Variants in PSTK observed in about 807,000 individuals in gnomAD.
PSTK encodes the protein L-seryl-tRNA(Sec) kinase.
PSTK carries 26 observed loss-of-function variants against 38.6 expected under a neutral mutation model. The observed-to-expected ratio is 0.67, with a 90% confidence interval of 0.49 to 0.94. PSTK has a LOEUF of 0.94. PSTK is among the 40% of genes least tolerant of loss of function. PSTK has a pLI of 0.00. For synonymous variants in PSTK, 181 were observed against 161.7 expected, an observed-to-expected ratio of 1.12 and a Z score of -0.91; for missense variants, 445 against 436.3, an observed-to-expected ratio of 1.02 and a Z score of -0.18.
Position 122,983,391 on chromosome 10 carries a change from G to A in PSTK, c.628G>A (p.Glu210Lys), listed in dbSNP as rs199793118. 23 of 1,614,042 alleles carry A rather than the reference G, an allele frequency of 1.4e-5. No homozygotes were observed. Among genetic ancestry groups the A allele is most frequent in the Non-Finnish European group, 1.9e-5 (23 of 1,180,048 alleles). ...CATCCACCTGATGGGAAGAAAGCTAGAAAAGCCCAACCCTGAGAAAAATGC... is the reference window on the plus strand; with the variant it reads ...CATCCACCTGATGGGAAGAAAGCTAAAAAAGCCCAACCCTGAGAAAAATGC... ...ETIHLMGRKL[E>K]KPNPEKNAWE... The change falls in exon 3 of 6, where the codon GAA becomes AAA. Residue 210 changes from glutamate to lysine, a missense_variant. By Grantham distance (56) the Glu-to-Lys change is moderately conservative. Coordinates refer to ENST00000406217, the MANE Select transcript of PSTK (RefSeq NM_001363531.2).
chr10:122,987,206 C>A, intron 5 of PSTK: 1 of 1,310,188 alleles, frequency 7.6e-7, no homozygotes, highest in Non-Finnish European at 1.0e-6. Context: ...GCTGGGGAAT[C>A]GGCAGGGAGC....
Position 122,980,614 on chromosome 10 carries a change from G to A in PSTK, c.135G>A (p.Glu45=), listed in dbSNP as rs761175688. The part of the protein sequence containing the change: ...ARALAHRLQQ[E]QGWAIGVVAY... ...CCCTCGCCCACCGGCTGCAGCAGGA[G>A]CAGGGTTGGGCCATCGGTGTTGTCG... Residue 45 remains glutamate (E), a synonymous_variant, in exon 1 of 6, where the codon GAG becomes GAA. Coordinates refer to ENST00000406217, the MANE Select transcript of PSTK (RefSeq NM_001363531.2). This position sits in a 1 kb window ranked among gnomAD's most constrained non-coding sequence, Gnocchi z 4.3. 4 of 1,612,078 alleles carry A rather than the reference G, an allele frequency of 2.5e-6. No individual in the cohort carries two copies. The highest frequency in any genetic ancestry group is 1.3e-5 in the African/African-American group (1 of 74,906).
At chr10:122,982,450 G>A in intron 1 of PSTK, 1 of 405,188 alleles carries the variant, frequency 2.5e-6, no homozygotes, top group Admixed American at 4.0e-5. Context: ...CTGCTAGAGT[G>A]GAGATATATG....
chr10:122,983,018 C>G lies in PSTK; in HGVS notation c.502C>G (p.Arg168Gly), dbSNP rs756397701. The G allele has an allele frequency of 3.7e-6, 6 of 1,602,958 alleles. No homozygotes were observed. Among genetic ancestry groups the G allele is most frequent in the Non-Finnish European group, 5.1e-6 (6 of 1,175,188 alleles). The change falls in exon 2 of 6, where the codon CGG (arginine) becomes GGG (glycine). Residue 168 changes from arginine to glycine, a missense_variant. Arg to Gly is a moderately radical substitution (Grantham distance 125). Coordinates refer to ENST00000406217, the MANE Select transcript of PSTK (RefSeq NM_001363531.2). ...SMRYEVYQLA[R>G]KYSLGFCQLF... ...GAGATATGAAGTCTACCAGCTGGCT[C>G]GGAAATGTAATTAAAACTTTTTTTT...
intron 5 of PSTK, 59 bp from the exon 6 acceptor site, chr10:122,990,115 T>TA (rs1849110530): frequency 8.8e-7 from 1 of 1,141,340 alleles, no homozygotes; most frequent in East Asian, 2.7e-5. Flanking sequence ...CTAATGTCAT[T>TA]AGACACCCCG....
At chr10:122,987,224 T>C in intron 5 of PSTK, 1 of 1,411,408 alleles carries the variant, frequency 7.1e-7, no homozygotes, top group Non-Finnish European at 9.6e-7. Context: ...AGCAGAACAT[T>C]CTAATGAGGA....
chr10:122,980,951 C>A lies in PSTK; in HGVS notation c.216+256C>A, dbSNP rs925832394. ...TAGATGCTTATCTGTATATTTGATG[C>A]ATGTATATGTTGTATATTCTATACA... On this transcript the variant is annotated intron_variant, in intron 1 of 5. Coordinates refer to ENST00000406217, the MANE Select transcript of PSTK (RefSeq NM_001363531.2). The surrounding 1 kb of genome is among the most constrained non-coding windows in gnomAD (Gnocchi z 4.3). 1 of 348,744 alleles carries A rather than the reference C, an allele frequency of 2.9e-6. No homozygotes were observed. The highest frequency in any genetic ancestry group is 1.2e-4 in the South Asian group (1 of 8,404). 21.6% of individuals were successfully genotyped at this position (348,744 alleles called of 1,614,324 possible).
In PSTK at chr10:122,990,345, T is replaced by C; in HGVS notation, c.1049T>C (p.Val350Ala). The stretch of plus-strand genomic sequence containing the variant: ...TTTCATTATGAGAAAGATAATATTG[T>C]ACAGAAGTATTTTTCAAAGCAGCAT... ...SFFHYEKDNI[V>A]QKYFSKQH is the part of the protein sequence containing the mutation. Residue 350 changes from valine to alanine, a missense_variant, in exon 6 of 6, where the codon GTA (valine) becomes GCA (alanine). Physicochemically the swap from Val to Ala is moderately conservative, Grantham distance 64. Coordinates refer to ENST00000406217, the MANE Select transcript of PSTK (RefSeq NM_001363531.2). 6.8e-7 allele frequency: 1 copy of C among 1,467,594 alleles called. No individual in the cohort carries two copies. 90.9% of individuals were successfully genotyped at this position (1,467,594 alleles called of 1,614,324 possible).
intron 2 of PSTK, 86 bp from the exon 3 acceptor site, chr10:122,983,186 A>G: frequency 7.8e-7 from 1 of 1,281,312 alleles, no homozygotes; most frequent in African/African-American, 1.5e-5. Context: ...TCCTACTATA[A>G]TTGTCATAAT....
Position 122,990,276 on chromosome 10 carries a change from T to C in PSTK, c.980T>C (p.Leu327Pro), listed in dbSNP as rs1013954021. The C allele has an allele frequency of 6.5e-7, 1 of 1,540,266 alleles. No individual in the cohort carries two copies. Among genetic ancestry groups the C allele is most frequent in the South Asian group, 1.2e-5 (1 of 81,352 alleles). The change falls in exon 6 of 6, where the codon CTG becomes CCG. Residue 327 changes from leucine (L) to proline (P), a missense_variant. By Grantham distance (98) the Leu-to-Pro change is moderately conservative. Transcript: ENST00000406217. Reference protein sequence around the residue: ...EDLKQGNKKYLCFQQTIDIPD... With the variant: ...EDLKQGNKKYPCFQQTIDIPD... Reference sequence around the variant, plus strand: ...CTAAAACAAGGAAACAAAAAATATCTGTGCTTTCAGCAAACCATTGACATA... The same window carrying C: ...CTAAAACAAGGAAACAAAAAATATCCGTGCTTTCAGCAAACCATTGACATA...
chr10:122,983,203 AAT>A, intron 2 of PSTK, 67 bp from the exon 3 acceptor site: 1 of 1,342,840 alleles, frequency 7.4e-7, no homozygotes. Flanking sequence ...TAATTTGTCT[AAT>A]ATATGTTTAT....
In PSTK at chr10:122,980,723, C is replaced by CGGG; in HGVS notation, c.216+29_216+30insGGG. On this transcript the variant is annotated intron_variant, in intron 1 of 5. Coordinates refer to ENST00000406217, the MANE Select transcript of PSTK (RefSeq NM_001363531.2). The surrounding 1 kb of genome is among the most constrained non-coding windows in gnomAD (Gnocchi z 4.3). ...CAGCACGGAGGGGCGGGGCCTGGGCCGCGGGGCGGGGCGGGGCGGGGCGGG... is the reference window on the plus strand; with the variant it reads ...CAGCACGGAGGGGCGGGGCCTGGGCCGGGGCGGGGCGGGGCGGGGCGGGGCGGG... 1.5e-6 allele frequency: 1 copy of CGGG among 660,244 alleles called. No individual in the cohort carries two copies. Among genetic ancestry groups the CGGG allele is most frequent in the Non-Finnish European group, 1.9e-6 (1 of 532,930 alleles). The allele number at this position is 660,244 out of a possible 1,614,324, so 40.9% of individuals were successfully genotyped here.
chr10:122,983,757 T>G (rs1848998128), intron 3 of PSTK: 2 of 343,624 alleles, frequency 5.8e-6, no homozygotes, highest in Admixed American at 4.6e-5. Context: ...CTAAAATAGA[T>G]AGTCTAAATA....
At chr10:122,981,457 C>T (rs4980238) in intron 1 of PSTK, among the ~76,000 whole-genome samples, 1,961 of 152,284 alleles carry the variant, frequency 0.013, 17 homozygotes, top group Middle Eastern at 0.02. Flanking sequence ...ACTGAGACCA[C>T]TGGGGGAAGA....
intron 5 of PSTK, among the ~76,000 whole-genome samples, chr10:122,989,777 T>C (rs1400007365): frequency 6.6e-6 from 1 of 152,252 alleles, no homozygotes; most frequent in African/African-American, 2.4e-5. Flanking sequence ...GGTCCATCAC[T>C]GCAGAAAGTT....
Position 122,980,829 on chromosome 10 carries a change from C to A in PSTK, c.216+134C>A. 1 of 1,288,322 alleles carries A rather than the reference C, an allele frequency of 7.8e-7. No homozygotes were observed. Among genetic ancestry groups the A allele is most frequent in the South Asian group, 2.5e-5 (1 of 40,330 alleles). 79.8% of individuals were successfully genotyped at this position (1,288,322 alleles called of 1,614,324 possible). ...ATTGCTTGGTGTGGGAGGTGAAGTT[C>A]GAGAAAAGTGGAGCTGGGTTAACAT... On this transcript the variant is annotated intron_variant, in intron 1 of 5. Transcript: ENST00000406217. This position sits in a 1 kb window ranked among gnomAD's most constrained non-coding sequence, Gnocchi z 4.3.
At chr10:122,988,942 A>T (rs1356722807) in intron 5 of PSTK, among the ~76,000 whole-genome samples, 1 of 152,140 alleles carries the variant, frequency 6.6e-6, no homozygotes, top group Non-Finnish European at 1.5e-5. Context: ...AAAATAACCC[A>T]CATGTCCGTC....
Position 122,989,314 on chromosome 10 carries a change from C to T in PSTK, c.878-860C>T, listed in dbSNP as rs566332399. Among the ~76,000 whole-genome samples, 12 of 152,138 alleles carry T rather than the reference C, an allele frequency of 7.9e-5. No individual in the cohort carries two copies. In the South Asian group the frequency reaches 1.5e-3, roughly 18 times the overall value. On this transcript the variant is annotated intron_variant, in intron 5 of 5. Coordinates refer to ENST00000406217, the MANE Select transcript of PSTK (RefSeq NM_001363531.2). ...TTGCCCAGGCTGGAGTACAATGGCA[C>T]GATCTTGGCTCACTGCAACCTCCAC...
chr10:122,988,318 G>A (rs560219655), intron 5 of PSTK, among the ~76,000 whole-genome samples: 4 of 151,860 alleles, frequency 2.6e-5, no homozygotes, highest in South Asian at 2.1e-4. Context: ...GGGGGATTGT[G>A]GGGGGTAGGG....
Sources: gnomAD v4.1 joint callset for allele counts (sites outside exome capture counted in the v4.1 genomes callset) on GRCh38, gnomAD v4.1.1 for gene constraint, Gnocchi (gnomAD v3.1) non-coding constraint, MANE v1.5 for transcripts, NCBI Gene and HGNC (gene_info 2026-07-23, HGNC 2026-07-21) for gene names.